Variants in PKP1 observed in about 807,000 individuals in gnomAD.
PKP1 encodes plakophilin 1, also known as plakophilin-1.
In PKP1, 27 loss-of-function variants were observed where a neutral mutation model predicts 76.4. The observed-to-expected ratio is 0.35, with a 90% CI of 0.26 to 0.49. The LOEUF is 0.49. Ranked by LOEUF, PKP1 falls within the 20% of genes least tolerant of loss-of-function variation. PKP1 has a pLI of 0.99. For missense variants in PKP1, 964 were observed against 955.2 expected (o/e 1.01, Z -0.12); for synonymous variants, 404 against 384.2 (o/e 1.05, Z -0.60).
chr1:201,292,753 G>A (rs1042441760), intron 1 of PKP1, among the ~76,000 whole-genome samples: 2 of 152,204 alleles, frequency 1.3e-5, no homozygotes, highest in African/African-American at 4.8e-5. Context: ...TTAGAGAAAA[G>A]GAGTGCATAT....
intron 1 of PKP1, among the ~76,000 whole-genome samples, chr1:201,293,559 G>A (rs1406456711): frequency 6.6e-6 from 1 of 152,182 alleles, no homozygotes; most frequent in Non-Finnish European, 1.5e-5. Flanking sequence ...TGTCTCCCCT[G>A]AGTGGGAATC....
chr1:201,313,036 C>A, intron 2 of PKP1, 130 bp from the exon 3 acceptor site: 1 of 973,784 alleles, frequency 1.0e-6, no homozygotes, highest in Non-Finnish European at 1.6e-6. Flanking sequence ...CAGGTTCCTT[C>A]CACGCCAAAC....
At chr1:201,293,914 T>G (rs1419674820) in intron 1 of PKP1, 28 bp from the exon 2 acceptor site, 2 of 1,472,872 alleles carry the variant, frequency 1.4e-6, no homozygotes, top group East Asian at 4.6e-5. Flanking sequence ...TGGCCATCCC[T>G]GTCCTAATCC....
At chr1:201,323,867 T>A (rs1227511368) in intron 9 of PKP1, among the ~76,000 whole-genome samples, 1 of 152,090 alleles carries the variant, frequency 6.6e-6, no homozygotes, top group Non-Finnish European at 1.5e-5. Context: ...AGGATAGCTA[T>A]GTTGCTTAGA....
intron 1 of PKP1, among the ~76,000 whole-genome samples, chr1:201,284,785 C>T (rs1296207344): frequency 6.6e-6 from 1 of 152,110 alleles, no homozygotes; most frequent in African/African-American, 2.4e-5. Context: ...GGAAATCCCC[C>T]CGGGCCCCAG....
At position 201,319,491 on chromosome 1, in the gene PKP1, G is replaced by A. The variant is rs190297963; in HGVS notation, c.1232+696G>A. 1.1e-4 allele frequency among the ~76,000 whole-genome samples: 17 copies of A among 152,320 alleles called. No homozygotes were observed. The East Asian group carries it at 2.9e-3, about 26-fold the overall frequency. ...CCAGAGTGGTGGGTGCAGCTGGCAT[G>A]TGCCTCTGTGTCTCAACTTGTGTTT... On this transcript the variant is annotated intron_variant, in intron 6 of 13. Transcript: ENST00000367324.
chr1:201,328,705 C>T, intron 12 of PKP1, 57 bp from the exon 13 acceptor site: 1 of 1,503,084 alleles, frequency 6.7e-7, no homozygotes, highest in Non-Finnish European at 9.3e-7. Context: ...AGTGTCTGAC[C>T]CCACAGCAAG....
chr1:201,295,676 T>G (rs777779421), intron 2 of PKP1, among the ~76,000 whole-genome samples: 2 of 152,212 alleles, frequency 1.3e-5, no homozygotes, highest in Non-Finnish European at 2.9e-5. Context: ...GTTCTGCCCC[T>G]CTCTGGCTCT....
chr1:201,325,150 G>A lies in PKP1; in HGVS notation c.2021+23G>A, dbSNP rs41269943. 104,517 of 1,610,244 alleles carry A rather than the reference G, an allele frequency of 0.065. 5,092 individuals carry two copies. Among genetic ancestry groups the A allele is most frequent in the African/African-American group, 0.25 (18,750 of 74,908 alleles). On this transcript the variant is annotated intron_variant, in intron 11 of 13. Coordinates refer to ENST00000367324, the MANE Select transcript of PKP1 (RefSeq NM_001005337.3). ...CAGGTGGGCGGGGGGTTGCTCCCAC[G>A]GGCTGCACCCCAATCAGAGCCCCTC... is the stretch of plus-strand genomic sequence containing the variant.
In PKP1 at chr1:201,320,368, G is replaced by A. The variant is rs137968512; in HGVS notation, c.1334G>A (p.Arg445His). 128 of 1,611,298 alleles carry A rather than the reference G, an allele frequency of 7.9e-5. No individual in the cohort carries two copies. The African/African-American group carries it at 1.0e-3, about 13-fold the overall frequency. The change falls in exon 7 of 14, where the codon CGC (arginine) becomes CAC (histidine). Residue 445 changes from arginine (R) to histidine (H), a missense_variant. Arg to His is a conservative substitution (Grantham distance 29, BLOSUM62 0). Coordinates refer to ENST00000367324, the MANE Select transcript of PKP1 (RefSeq NM_001005337.3). ...AYVQNCVAAS[R>H]CDDKSVENCM... ...GTCCAGAACTGTGTAGCGGCCAGCC[G>A]CTGTGACGACAAGGTGAGTGCATCC... is the stretch of plus-strand genomic sequence containing the variant.
chr1:201,320,293 G>A lies in PKP1; in HGVS notation c.1259G>A (p.Arg420His), dbSNP rs569372122. 29 of 1,613,592 alleles carry A rather than the reference G, an allele frequency of 1.8e-5. No homozygotes were observed. Among genetic ancestry groups the A allele is most frequent in the Middle Eastern group, 1.6e-4 (1 of 6,062 alleles). Residue 420 changes from arginine (R) to histidine (H), a missense_variant, in exon 7 of 14, where the codon CGC becomes CAC. By Grantham distance (29) the Arg-to-His change is conservative (BLOSUM62 0). Transcript: ENST00000367324. The part of the protein sequence containing the change: ...LRNLSSADAG[R>H]QTMRNYSGLI... The stretch of plus-strand genomic sequence containing the variant: ...AACCTGAGCTCGGCCGATGCAGGCC[G>A]CCAGACCATGCGTAACTACTCAGGG...
In PKP1 at chr1:201,301,584, G is replaced by A. The variant is rs1338281448; in HGVS notation, c.306+7539G>A. The stretch of plus-strand genomic sequence containing the variant: ...CAGAGAATGGAATTCTGTCTTCTCC[G>A]GAGAAGGAAGCTTCTGGATGAGTCG... On this transcript the variant is annotated intron_variant, in intron 2 of 13. Transcript: ENST00000367324. Among the ~76,000 whole-genome samples the A allele has an allele frequency of 5.9e-5, 9 of 152,190 alleles. No homozygotes were observed. In the South Asian group the frequency reaches 1.0e-3, roughly 18 times the overall value.
At chr1:201,291,142 C>A (rs1369614193) in intron 1 of PKP1, among the ~76,000 whole-genome samples, 1 of 152,112 alleles carries the variant, frequency 6.6e-6, no homozygotes. Context: ...ATGGACTTTT[C>A]CCCTCTCTCA....
intron 7 of PKP1, 21 bp from the exon 8 acceptor site, chr1:201,321,957 A>T: frequency 1.2e-6 from 2 of 1,613,720 alleles, no homozygotes; most frequent in East Asian, 2.2e-5. Context: ...GCTCAGGCCC[A>T]TGCCTCTCCT....
rs180986136 is a variant in PKP1, at chr1:201,304,714, C to G, written c.307-8452C>G. ...AGAGTTTCTGTAGAGGGCCCCCTAG[C>G]TATAGAGACTCTTTGCCCTGTAGGC... On this transcript the variant is annotated intron_variant, in intron 2 of 13. Coordinates refer to ENST00000367324, the MANE Select transcript of PKP1 (RefSeq NM_001005337.3). Among the ~76,000 whole-genome samples, 6 of 152,318 alleles carry G rather than the reference C, an allele frequency of 3.9e-5. No individual in the cohort carries two copies. The East Asian group carries it at 5.8e-4, about 15-fold the overall frequency.
At chr1:201,285,220 CCACACACACACACACA>C (rs140683611) in intron 1 of PKP1, among the ~76,000 whole-genome samples, 15,676 of 136,826 alleles carry the variant, frequency 0.11, 951 homozygotes, top group African/African-American at 0.18. Flanking sequence ...GGCCCTTCCA[CCACACACACACACACA>C]CACACACACA....
chr1:201,320,756 C>G (rs191789031), intron 7 of PKP1, among the ~76,000 whole-genome samples: 29 of 152,336 alleles, frequency 1.9e-4, no homozygotes, highest in East Asian at 3.9e-4. Context: ...CAGCGAGCAT[C>G]TGCTGGCTGT....
At chr1:201,286,113 G>A (rs941279746) in intron 1 of PKP1, among the ~76,000 whole-genome samples, 4 of 152,216 alleles carry the variant, frequency 2.6e-5, no homozygotes, top group African/African-American at 9.7e-5. Context: ...TTGCTCTGCG[G>A]CCACCTCTAC....
At chr1:201,323,751 G>A (rs937655793) in intron 9 of PKP1, among the ~76,000 whole-genome samples, 1 of 152,174 alleles carries the variant, frequency 6.6e-6, no homozygotes, top group Admixed American at 6.5e-5. Context: ...AGGGAACCGA[G>A]CAGCAGCAGC....
Sources: gnomAD v4.1 joint callset for allele counts (sites outside exome capture counted in the v4.1 genomes callset) on GRCh38, gnomAD v4.1.1 for gene constraint, MANE v1.5 for transcripts, NCBI Gene and HGNC (gene_info 2026-07-23, HGNC 2026-07-21) for gene names.